PHC2: variants seen among roughly 807,000 people sequenced by gnomAD.
The protein encoded by PHC2 is polyhomeotic-like protein 2.
In PHC2, 29 loss-of-function variants were observed where a neutral mutation model predicts 87.4. That is an observed-to-expected ratio of 0.33 (90% CI 0.25 to 0.45). The LOEUF (loss-of-function observed/expected upper bound fraction) is 0.45, where lower values mean the gene tolerates loss of function less well. Among genes scored for constraint, PHC2 ranks in the 20% least tolerant of loss-of-function variants. The pLI is 1.00. For synonymous variants in PHC2, 438 were observed against 461.7 expected, an observed-to-expected ratio of 0.95 and a Z score of 0.66; for missense variants, 857 against 1,136.7, an observed-to-expected ratio of 0.75 and a Z score of 3.54.
At chr1:33,421,133 TC>T (rs1650420661) in intron 1 of PHC2, among the ~76,000 whole-genome samples, 2 of 152,180 alleles carry the variant, frequency 1.3e-5, no homozygotes, top group Admixed American at 1.3e-4. Flanking sequence ...AGAAATGTTG[TC>T]TTATCTTCAG....
At chr1:33,372,521 G>C in intron 2 of PHC2, 74 bp from the exon 3 acceptor site, 1 of 1,341,056 alleles carries the variant, frequency 7.5e-7, no homozygotes, top group Non-Finnish European at 9.9e-7. Flanking sequence ...GTAATGCCTT[G>C]CCCACCCCAG....
chr1:33,331,894 C>G lies in PHC2; in HGVS notation c.1891+381G>C, dbSNP rs942024202. ...CTGCAGCTGTGCAGCTCTGTCAGTG[C>G]TTCATGTGGAAAGAGCAGCCTTGCC... On this transcript the variant is annotated intron_variant, in intron 11 of 14. Transcript: ENST00000683057. The surrounding 1 kb of genome is among the most constrained non-coding windows in gnomAD (Gnocchi z 5.2). Among the ~76,000 whole-genome samples, 2 of 152,276 alleles carry G rather than the reference C, an allele frequency of 1.3e-5. No homozygotes were observed. Among genetic ancestry groups the G allele is most frequent in the African/African-American group, 2.4e-5 (1 of 41,480 alleles).
intron 1 of PHC2, among the ~76,000 whole-genome samples, chr1:33,389,789 C>T (rs1160354398): frequency 2.6e-5 from 4 of 152,116 alleles, no homozygotes; most frequent in Non-Finnish European, 4.4e-5. Flanking sequence ...ATTTTATACT[C>T]GTAAGTTTGC....
intron 1 of PHC2, among the ~76,000 whole-genome samples, chr1:33,424,116 A>C (rs1383896415): frequency 5.4e-5 from 8 of 148,040 alleles, no homozygotes; most frequent in Admixed American, 1.3e-4. Flanking sequence ...AAAAAACAAA[A>C]AAAACAAAAA....
chr1:33,414,282 G>T (rs986215323), intron 1 of PHC2, among the ~76,000 whole-genome samples: 1 of 151,540 alleles, frequency 6.6e-6, no homozygotes, highest in African/African-American at 2.4e-5. Flanking sequence ...ATAGATTATT[G>T]TAATTAGCCT....
chr1:33,420,160 GCT>G (rs945917033), intron 1 of PHC2, among the ~76,000 whole-genome samples: 1 of 152,176 alleles, frequency 6.6e-6, no homozygotes, highest in African/African-American at 2.4e-5. Context: ...AGGATATTTA[GCT>G]CTCTCTACAA....
chr1:33,403,672 A>T (rs1393466148), intron 1 of PHC2, among the ~76,000 whole-genome samples: 1 of 152,218 alleles, frequency 6.6e-6, no homozygotes, highest in Non-Finnish European at 1.5e-5. Context: ...GGTACTGTGG[A>T]TGTTAAAATG....
chr1:33,324,734 C>T lies in PHC2; in HGVS notation c.*131G>A. 1 of 967,882 alleles carries T rather than the reference C, an allele frequency of 1.0e-6. No individual in the cohort carries two copies. The highest frequency in any genetic ancestry group is 1.5e-6 in the Non-Finnish European group (1 of 680,406). 60.0% of individuals were successfully genotyped at this position (967,882 alleles called of 1,614,324 possible). ...CATGGAGGAGGTGCCCAGACCTCCT[C>T]ACCAGCTATGCCCCTAGGGAGAGCC... On this transcript the variant is annotated 3_prime_UTR_variant, in exon 15 of 15. Transcript: ENST00000683057.
intron 4 of PHC2, among the ~76,000 whole-genome samples, 188 bp from the exon 5 acceptor site, chr1:33,370,773 C>G (rs1647777091): frequency 6.6e-6 from 1 of 152,142 alleles, no homozygotes; most frequent in South Asian, 2.1e-4. Flanking sequence ...TGCAGAGCTG[C>G]AGGGGGATCC....
intron 1 of PHC2, among the ~76,000 whole-genome samples, chr1:33,393,886 C>A (rs113353419): frequency 7.9e-5 from 12 of 152,110 alleles, no homozygotes; most frequent in African/African-American, 2.7e-4. Context: ...TAATTATACT[C>A]GAATCATTAA....
chr1:33,348,455 C>T (rs1646886821), intron 9 of PHC2, among the ~76,000 whole-genome samples: 1 of 152,194 alleles, frequency 6.6e-6, no homozygotes, highest in Non-Finnish European at 1.5e-5. Context: ...CAGTTATGCT[C>T]CAGAGCCAAA....
intron 2 of PHC2, among the ~76,000 whole-genome samples, chr1:33,373,871 G>A (rs1040858954): frequency 1.1e-4 from 16 of 151,992 alleles, no homozygotes; most frequent in African/African-American, 3.4e-4. Context: ...TGACTTCTAG[G>A]GCTGACAGCT....
At chr1:33,408,051 C>G (rs1046316127) in intron 1 of PHC2, among the ~76,000 whole-genome samples, 1 of 152,114 alleles carries the variant, frequency 6.6e-6, no homozygotes, top group African/African-American at 2.4e-5. Flanking sequence ...GATTTTGGCC[C>G]AAGCCTATTT....
intron 1 of PHC2, among the ~76,000 whole-genome samples, chr1:33,406,374 G>T (rs1649762549): frequency 1.3e-5 from 2 of 151,972 alleles, no homozygotes; most frequent in African/African-American, 2.4e-5. Context: ...CTTACATCAG[G>T]ATTTCTCCAA....
intron 9 of PHC2, chr1:33,346,012 G>T: frequency 1.0e-6 from 1 of 985,202 alleles, no homozygotes; most frequent in Non-Finnish European, 1.2e-6. Flanking sequence ...TTTAACTGGT[G>T]ACTCATAGTT....
intron 1 of PHC2, among the ~76,000 whole-genome samples, chr1:33,416,089 CAT>C (rs1350348297): frequency 2.0e-4 from 30 of 151,990 alleles, no homozygotes; most frequent in Middle Eastern, 3.4e-3. Flanking sequence ...AGGAAGGGAA[CAT>C]AAAAAAATAT....
chr1:33,385,691 G>A (rs576001865), intron 1 of PHC2, among the ~76,000 whole-genome samples: 6 of 152,274 alleles, frequency 3.9e-5, no homozygotes, highest in African/African-American at 1.4e-4. Context: ...CTGGTCTCAG[G>A]CCCTGTGGGC....
At position 33,329,094 on chromosome 1, in the gene PHC2, CTG is replaced by C; in HGVS notation, c.2199_2200del (p.His733GlnfsTer11). On this transcript the variant is annotated frameshift_variant, in exon 14 of 15. Coordinates refer to ENST00000683057, the MANE Select transcript of PHC2 (RefSeq NM_001385109.1). LOFTEE classifies it high-confidence loss of function. ...TGAGCAACGGCTGGAGTCTTCCTGG[CTG>C]TGTGTTAGCTGCAAAGCAGCAGTAA... 1 of 1,614,174 alleles carries C rather than the reference CTG, an allele frequency of 6.2e-7. No homozygotes were observed. The highest frequency in any genetic ancestry group is 8.5e-7 in the Non-Finnish European group (1 of 1,180,036).
At position 33,369,757 on chromosome 1, in the gene PHC2, C is replaced by T. The variant is rs189098327; in HGVS notation, c.576+664G>A. On this transcript the variant is annotated intron_variant, in intron 5 of 14. Coordinates refer to ENST00000683057, the MANE Select transcript of PHC2 (RefSeq NM_001385109.1). This position sits in a 1 kb window ranked among gnomAD's most constrained non-coding sequence, Gnocchi z 4.7. ...AGACACGACCCACAGTGACTGAGCCCTAGCTGGGGCTGCATGCTACTGCCA... is the reference window on the plus strand; with the variant it reads ...AGACACGACCCACAGTGACTGAGCCTTAGCTGGGGCTGCATGCTACTGCCA... Among the ~76,000 whole-genome samples, 219 of 152,306 alleles carry T rather than the reference C, an allele frequency of 1.4e-3. No homozygotes were observed. Among genetic ancestry groups the T allele is most frequent in the African/African-American group, 5.0e-3 (207 of 41,568 alleles).
Sources: gnomAD v4.1 joint callset for allele counts (sites outside exome capture counted in the v4.1 genomes callset) on GRCh38, gnomAD v4.1.1 for gene constraint, Gnocchi (gnomAD v3.1) non-coding constraint, MANE v1.5 for transcripts, NCBI Gene and HGNC (gene_info 2026-07-23, HGNC 2026-07-21) for gene names.